PANX2: variants seen among roughly 807,000 people sequenced by gnomAD.
PANX2 encodes the protein pannexin-2.
PANX2 carries 30 observed loss-of-function variants against 38.7 expected under a neutral mutation model. That is an observed-to-expected ratio of 0.78 (90% CI 0.58 to 1.05). The LOEUF (loss-of-function observed/expected upper bound fraction) is 1.05, where lower values mean the gene tolerates loss of function less well. PANX2 is among the 50% of genes least tolerant of loss of function. The pLI is 0.00. For synonymous variants in PANX2, 539 were observed against 472.1 expected (o/e 1.14, Z -1.84); for missense variants, 880 against 979.3 (o/e 0.90, Z 1.35).
chr22:50,177,517 G>T lies in PANX2; in HGVS notation c.805G>T (p.Ala269Ser), dbSNP rs368518437. The T allele has an allele frequency of 6.2e-7, 1 of 1,609,364 alleles. No homozygotes were observed. Among genetic ancestry groups the T allele is most frequent in the Non-Finnish European group, 8.5e-7 (1 of 1,178,322 alleles). The change falls in exon 2 of 3, where the codon GCA (alanine) becomes TCA (serine). Residue 269 changes from alanine (A) to serine (S), a missense_variant. Physicochemically the swap from Ala to Ser is moderately conservative, Grantham distance 99. Around this residue, in one of 4 missense-constraint regions of PANX2, gnomAD observed 114 missense variants for 108.8 expected, o/e 1.05. Transcript: ENST00000395842. ...CALGASPDGAAGAGPAVRVSC... is the reference protein window; with the variant it reads ...CALGASPDGASGAGPAVRVSC... ...GCTGGGCGCGTCCCCGGACGGGGCG[G>T]CAGGTGCGGGGCCCGCGGTGCGCGT...
rs113485823 is a variant in PANX2 at position 50,177,945 on chromosome 22, C to T, written c.1233C>T (p.Pro411=). Residue 411 remains proline (P), a synonymous_variant, in exon 2 of 3, where the codon CCC becomes CCT. Coordinates refer to ENST00000395842, the MANE Select transcript of PANX2 (RefSeq NM_052839.4). ...GVQTVDPSAN[P]AEPDGAAEPP... ...AGACCGTGGACCCCAGCGCCAACCCCGCCGAGCCCGACGGCGCCGCCGAGC... is the reference window on the plus strand; with the variant it reads ...AGACCGTGGACCCCAGCGCCAACCCTGCCGAGCCCGACGGCGCCGCCGAGC... 3.0e-5 allele frequency: 46 copies of T among 1,532,710 alleles called. No homozygotes were observed. The African/African-American group carries it at 3.6e-4, about 12-fold the overall frequency. The allele number at this position is 1,532,710 out of a possible 1,614,324, so 94.9% of individuals were successfully genotyped here. A position where few individuals can be genotyped will look rare whatever the true frequency, so the allele number is the denominator to read the frequency against.
chr22:50,172,060 C>T (rs892181027), intron 1 of PANX2, among the ~76,000 whole-genome samples: 22 of 152,148 alleles, frequency 1.4e-4, no homozygotes, highest in African/African-American at 2.2e-4. Context: ...GGCCAGACCC[C>T]GGGGATTAGA....
chr22:50,175,436 G>A (rs2063656572), intron 1 of PANX2: 4 of 1,299,826 alleles, frequency 3.1e-6, no homozygotes, highest in South Asian at 2.5e-5. Flanking sequence ...CCCCAGGGTG[G>A]ACGCTCTTCT....
At chr22:50,178,827 G>A in intron 2 of PANX2, 107 bp from the exon 3 acceptor site, 1 of 949,020 alleles carries the variant, frequency 1.1e-6, no homozygotes, top group Non-Finnish European at 1.5e-6. Context: ...TCTCCAGGGC[G>A]CTTCAGAGCC....
chr22:50,179,306 C>T lies in PANX2; in HGVS notation c.*29C>T. On this transcript the variant is annotated 3_prime_UTR_variant, in exon 3 of 3. Coordinates refer to ENST00000395842, the MANE Select transcript of PANX2 (RefSeq NM_052839.4). Reference sequence around the variant, plus strand: ...ATGGCACCGTCCAGGCCGCCGAGAGCCCCTCTGCCTGTGTCGTGTGGCCTG... The same window carrying T: ...ATGGCACCGTCCAGGCCGCCGAGAGTCCCTCTGCCTGTGTCGTGTGGCCTG... The T allele has an allele frequency of 6.3e-7, 1 of 1,584,646 alleles. No individual in the cohort carries two copies. Among genetic ancestry groups the T allele is most frequent in the Non-Finnish European group, 8.6e-7 (1 of 1,159,734 alleles).
In PANX2 at chr22:50,177,663, G is replaced by A. The variant is rs1221825219; in HGVS notation, c.951G>A (p.Lys317=). 3.1e-6 allele frequency: 5 copies of A among 1,612,462 alleles called. No individual in the cohort carries two copies. Among genetic ancestry groups the A allele is most frequent in the Non-Finnish European group, 4.2e-6 (5 of 1,180,000 alleles). ...VNLIHLFIFR[K]SNFIFDKLHK... ...TCATCCACCTCTTCATCTTCCGCAAGAGCAACTTCATCTTCGACAAGCTGC... is the reference window on the plus strand; with the variant it reads ...TCATCCACCTCTTCATCTTCCGCAAAAGCAACTTCATCTTCGACAAGCTGC... The change falls in exon 2 of 3, where the codon AAG becomes AAA. Residue 317 remains lysine, a synonymous_variant. Coordinates refer to ENST00000395842, the MANE Select transcript of PANX2 (RefSeq NM_052839.4).
In PANX2 at chr22:50,170,862, G is replaced by T; in HGVS notation, c.132G>T (p.Leu44=). The T allele has an allele frequency of 6.6e-7, 1 of 1,516,202 alleles. No homozygotes were observed. The highest frequency in any genetic ancestry group is 8.8e-7 in the Non-Finnish European group (1 of 1,130,840). The allele number at this position is 1,516,202 out of a possible 1,614,324, so 93.9% of individuals were successfully genotyped here. The change falls in exon 1 of 3, where the codon CTG becomes CTT. Residue 44 remains leucine, a synonymous_variant. Transcript: ENST00000395842. ...CGCTGGCCGCGCTGCTTCTGCAGCTGAAGCTGGAGCTGCCGTTCGACCGGG... is the reference window on the plus strand; with the variant it reads ...CGCTGGCCGCGCTGCTTCTGCAGCTTAAGCTGGAGCTGCCGTTCGACCGGG... ...AGALAALLLQ[L]KLELPFDRVV... is the part of the protein sequence containing the mutation.
In PANX2 at chr22:50,179,252, C is replaced by G. The variant is rs763667948; in HGVS notation, c.2009C>G (p.Thr670Arg). 4 of 1,612,646 alleles carry G rather than the reference C, an allele frequency of 2.5e-6. No individual in the cohort carries two copies. The South Asian group carries it at 4.4e-5, about 18-fold the overall frequency. Residue 670 changes from threonine to arginine, a missense_variant, in exon 3 of 3, where the codon ACG becomes AGG. Around this residue, in one of 4 missense-constraint regions of PANX2, gnomAD observed 445 missense variants for 404.3 expected, o/e 1.10. Coordinates refer to ENST00000395842, the MANE Select transcript of PANX2 (RefSeq NM_052839.4). ...ATCGCCACCTTCGACGAGCCGAGAA[C>G]GGTCGTGAGTACTGTGGAGTTTTGA... is the stretch of plus-strand genomic sequence containing the variant. ...ILIATFDEPR[T>R]VVSTVEF
chr22:50,174,238 A>T (rs2063650246), intron 1 of PANX2, among the ~76,000 whole-genome samples: 1 of 149,596 alleles, frequency 6.7e-6, no homozygotes, highest in African/African-American at 2.5e-5. Context: ...GTTGGGAGGG[A>T]CCCAGCTTCA....
At position 50,170,906 on chromosome 22, in the gene PANX2, T is replaced by C; in HGVS notation, c.176T>C (p.Val59Ala). The change falls in exon 1 of 3, where the codon GTG (valine) becomes GCG (alanine). Residue 59 changes from valine to alanine, a missense_variant. Val to Ala is a moderately conservative substitution (Grantham distance 64). Coordinates refer to ENST00000395842, the MANE Select transcript of PANX2 (RefSeq NM_052839.4). ...GACCGGGTGGTCACCATCGGCACCG[T>C]GCTGGTGCCCATCCTGCTGGTCACC... The part of the protein sequence containing the change: ...PFDRVVTIGT[V>A]LVPILLVTLV... 6.5e-7 allele frequency: 1 copy of C among 1,529,328 alleles called. No individual in the cohort carries two copies. Among genetic ancestry groups the C allele is most frequent in the Admixed American group, 2.0e-5 (1 of 49,760 alleles). 94.7% of individuals were successfully genotyped at this position (1,529,328 alleles called of 1,614,324 possible). A position where few individuals can be genotyped will look rare whatever the true frequency, so the allele number is the denominator to read the frequency against.
chr22:50,172,457 A>AG, intron 1 of PANX2, among the ~76,000 whole-genome samples: 1 of 151,834 alleles, frequency 6.6e-6, no homozygotes, highest in East Asian at 1.9e-4. Context: ...TTTGAGACAG[A>AG]GTCTTGGTAT....
intron 1 of PANX2, chr22:50,175,579 T>G: frequency 1.8e-6 from 1 of 550,446 alleles, no homozygotes; most frequent in East Asian, 9.3e-5. Flanking sequence ...CAGCTCGATG[T>G]CCCCACCGAG....
At chr22:50,173,534 G>A (rs758304807) in intron 1 of PANX2, among the ~76,000 whole-genome samples, 1 of 152,270 alleles carries the variant, frequency 6.6e-6, no homozygotes, top group African/African-American at 2.4e-5. Context: ...AAGGTTGGGG[G>A]CCAAGTCCCA....
intron 1 of PANX2, among the ~76,000 whole-genome samples, chr22:50,173,570 G>C (rs2063646247): frequency 6.6e-6 from 1 of 152,232 alleles, no homozygotes; most frequent in Admixed American, 6.5e-5. Context: ...GCTGGGGAAG[G>C]GTCTCGGCCC....
intron 1 of PANX2, chr22:50,175,504 C>A: frequency 8.0e-7 from 1 of 1,249,262 alleles, no homozygotes; most frequent in Non-Finnish European, 1.1e-6. Context: ...ATGCCATTTT[C>A]TCAACCAAGA....
chr22:50,170,998 C>A, intron 1 of PANX2, 42 bp downstream of exon 1: 1 of 1,136,588 alleles, frequency 8.8e-7, no homozygotes, highest in Middle Eastern at 2.9e-4. Context: ...GCAGAGGGGG[C>A]GTCCGCAGGT....
Position 50,179,177 on chromosome 22 carries a change from C to T in PANX2, c.1934C>T (p.Pro645Leu), listed in dbSNP as rs189061233. Residue 645 changes from proline (P) to leucine (L), a missense_variant, in exon 3 of 3, where the codon CCG (proline) becomes CTG (leucine). Transcript: ENST00000395842. ...REEEDGGPRL[P>L]QDVGDLIAIP... ...GAGGAGGACGGGGGCCCCCGCCTGC[C>T]GCAGGACGTGGGGGACCTCATCGCC... 3.3e-4 allele frequency: 525 copies of T among 1,612,630 alleles called. No homozygotes were observed. Among genetic ancestry groups the T allele is most frequent in the Non-Finnish European group, 4.3e-4 (504 of 1,179,886 alleles).
intron 1 of PANX2, among the ~76,000 whole-genome samples, chr22:50,174,606 C>T (rs547925308): frequency 1.1e-4 from 16 of 152,344 alleles, no homozygotes; most frequent in East Asian, 5.8e-4. Context: ...TTCCAAGAAA[C>T]GGGCCCCTGG....
Position 50,177,725 on chromosome 22 carries a change from G to A in PANX2, c.1013G>A (p.Arg338His), listed in dbSNP as rs767394397. 11 of 1,609,596 alleles carry A rather than the reference G, an allele frequency of 6.8e-6. No homozygotes were observed. Among genetic ancestry groups the A allele is most frequent in the East Asian group, 2.2e-5 (1 of 44,880 alleles). ...ATCAAGACGCGCCGGCAGTGGCGCCGCTCGCAGTTCTGCGACATCAACATC... is the reference window on the plus strand; with the variant it reads ...ATCAAGACGCGCCGGCAGTGGCGCCACTCGCAGTTCTGCGACATCAACATC... ...VGIKTRRQWR[R>H]SQFCDINILA... is the part of the protein sequence containing the mutation. Residue 338 changes from arginine to histidine, a missense_variant, in exon 2 of 3, where the codon CGC becomes CAC. Coordinates refer to ENST00000395842, the MANE Select transcript of PANX2 (RefSeq NM_052839.4).
Sources: allele counts gnomAD v4.1 joint callset (sites outside exome capture counted in the v4.1 genomes callset), GRCh38; gene constraint gnomAD v4.1.1; regional missense constraint gnomAD v4.1.1; transcripts MANE v1.5; gene names NCBI Gene and HGNC (gene_info 2026-07-23, HGNC 2026-07-21).